The following TSPAN11 variants were observed in gnomAD, a reference collection of about 807,000 sequenced individuals.
The protein encoded by TSPAN11 is tetraspanin 11.
A neutral mutation model predicts 32.9 loss-of-function variants in TSPAN11; 29 were observed. The observed-to-expected ratio is 0.88, with a 90% CI of 0.66 to 1.20. TSPAN11 has a LOEUF of 1.20. TSPAN11 is among the 50% of genes most tolerant of loss of function. TSPAN11 has a pLI of 0.00. For synonymous variants in TSPAN11, 140 were observed against 141.3 expected (o/e 0.99, Z 0.07); for missense variants, 283 against 329.1 (o/e 0.86, Z 1.08).
intron 3 of TSPAN11, among the ~76,000 whole-genome samples, chr12:30,968,678 C>G (rs1043244717): frequency 1.3e-5 from 2 of 152,144 alleles, no homozygotes; most frequent in African/African-American, 4.8e-5. Context: ...AAATGAAGAT[C>G]ATGGTGGATG....
chr12:30,974,783 T>A (rs1362174793), intron 3 of TSPAN11, among the ~76,000 whole-genome samples: 2 of 152,200 alleles, frequency 1.3e-5, no homozygotes, highest in Non-Finnish European at 2.9e-5. Flanking sequence ...GTGTCACTCA[T>A]CCGGTGATGA....
chr12:31,001,012 C>T (rs971418217), downstream of TSPAN11, among the ~76,000 whole-genome samples: 1 of 152,220 alleles, frequency 6.6e-6, no homozygotes, highest in Non-Finnish European at 1.5e-5. Context: ...TCATCTCTCA[C>T]CTAAATCACT....
At chr12:30,927,065 C>T (rs1444322259) in intron 1 of TSPAN11, 2 of 1,263,292 alleles carry the variant, frequency 1.6e-6, no homozygotes, top group African/African-American at 3.1e-5. Context: ...ATGAGTCTGC[C>T]TTTCTGCACT....
chr12:31,008,916 C>T, the TSPAN11 span, among the ~76,000 whole-genome samples: 5 of 151,964 alleles, frequency 3.3e-5, no homozygotes, highest in African/African-American at 1.2e-4. Flanking sequence ...GGTCACCTGC[C>T]TCCCTCTGGC....
intron 1 of TSPAN11, among the ~76,000 whole-genome samples, chr12:30,934,307 G>C (rs1010023947): frequency 6.6e-6 from 1 of 152,246 alleles, no homozygotes; most frequent in African/African-American, 2.4e-5. Flanking sequence ...TGTCTGCCTT[G>C]TTGTGGTCAC....
rs751146162 is a variant in TSPAN11 at position 30,978,571 on chromosome 12, T to G, written c.287T>G (p.Leu96Arg). ...RKGCLSTYFC[L>R]LLVIFLVELV... ...TCTCTTTGCTGCTAGTATTTCTGCCTGTTGCTCGTCATCTTCCTGGTTGAG... is the reference window on the plus strand; with the variant it reads ...TCTCTTTGCTGCTAGTATTTCTGCCGGTTGCTCGTCATCTTCCTGGTTGAG... The change falls in exon 4 of 8, where the codon CTG becomes CGG. Residue 96 changes from leucine to arginine, a missense_variant. Leu to Arg is a moderately radical substitution (Grantham distance 102, BLOSUM62 -2). Transcript: ENST00000546076. 3.1e-6 allele frequency: 5 copies of G among 1,614,100 alleles called. No homozygotes were observed. The African/African-American group carries it at 4.0e-5, about 13-fold the overall frequency.
Position 30,994,330 on chromosome 12 carries a change from C to T in TSPAN11, c.*2415C>T, listed in dbSNP as rs936057028. ...GCCCCTGTTTGGAGGCTGCTACAGC[C>T]TTGAGTTCCTTGGAGAGAGAGGACA... On this transcript the variant is annotated 3_prime_UTR_variant, in exon 8 of 8. Transcript: ENST00000546076. The T allele has an allele frequency of 3.9e-5, 6 of 152,406 alleles. No homozygotes were observed. In the East Asian group the frequency reaches 1.2e-3, roughly 29 times the overall value. The allele number at this position is 152,406 out of a possible 1,614,324, so 9.4% of individuals were successfully genotyped here.
At chr12:30,944,228 C>A (rs181302634) in intron 1 of TSPAN11, among the ~76,000 whole-genome samples, 75 of 151,780 alleles carry the variant, frequency 4.9e-4, no homozygotes, top group South Asian at 1.9e-3. Flanking sequence ...ATATAATTAT[C>A]ATTTTGTGGT....
At chr12:31,002,312 T>G in the TSPAN11 span, among the ~76,000 whole-genome samples, 2 of 152,050 alleles carry the variant, frequency 1.3e-5, no homozygotes, top group African/African-American at 4.8e-5. This position sits in a 1 kb window ranked among gnomAD's most constrained non-coding sequence, Gnocchi z 4.8. Flanking sequence ...ACAGAGGGGT[T>G]TCAAGATGCC....
At chr12:30,983,790 G>A (rs1472982332) in intron 7 of TSPAN11, among the ~76,000 whole-genome samples, 3 of 152,196 alleles carry the variant, frequency 2.0e-5, no homozygotes, top group African/African-American at 7.2e-5. Flanking sequence ...GTATGAGGTA[G>A]TATAAGTAGT....
intron 7 of TSPAN11, among the ~76,000 whole-genome samples, chr12:30,984,098 C>A (rs556408851): frequency 1.6e-4 from 24 of 152,328 alleles, no homozygotes; most frequent in African/African-American, 5.5e-4. Context: ...GGCAAGGGCC[C>A]CTGCAGTCCC....
At chr12:30,959,874 G>A (rs12305862) in intron 2 of TSPAN11, among the ~76,000 whole-genome samples, 3,016 of 151,480 alleles carry the variant, frequency 0.02, 108 homozygotes, top group African/African-American at 0.069. Flanking sequence ...TAAGAGCACC[G>A]AGGCCATGCA....
chr12:30,964,569 T>C (rs1938689599), intron 3 of TSPAN11, among the ~76,000 whole-genome samples: 1 of 152,132 alleles, frequency 6.6e-6, no homozygotes, highest in African/African-American at 2.4e-5. Context: ...ATAGCCGATC[T>C]TGGTTCCGTC....
At chr12:30,986,190 A>G (rs898976204) in intron 7 of TSPAN11, among the ~76,000 whole-genome samples, 1 of 152,220 alleles carries the variant, frequency 6.6e-6, no homozygotes, top group Admixed American at 6.5e-5. Context: ...AGGCTCAGGA[A>G]ATATCAGTCC....
chr12:31,013,031 C>T, the TSPAN11 span, among the ~76,000 whole-genome samples: 2 of 152,208 alleles, frequency 1.3e-5, no homozygotes, highest in South Asian at 4.1e-4. Context: ...GTAGCAAGCC[C>T]ATTCAAGCAT....
intron 5 of TSPAN11, among the ~76,000 whole-genome samples, chr12:30,980,643 C>T (rs1039544147): frequency 7.9e-5 from 12 of 151,960 alleles, no homozygotes; most frequent in African/African-American, 1.2e-4. Flanking sequence ...GCCCCAGCGG[C>T]GTCATGGATC....
intron 1 of TSPAN11, among the ~76,000 whole-genome samples, chr12:30,937,877 A>G (rs1260464109): frequency 6.6e-6 from 1 of 152,336 alleles, no homozygotes; most frequent in Admixed American, 6.5e-5. Flanking sequence ...CCTTGTCTGC[A>G]TGGTTGAAGC....
intron 2 of TSPAN11, among the ~76,000 whole-genome samples, chr12:30,957,211 T>C (rs767092917): frequency 3.4e-4 from 50 of 145,956 alleles, no homozygotes; most frequent in Non-Finnish European, 6.3e-4. Flanking sequence ...CCTTTTTGAG[T>C]TGCTGAATGG....
intron 7 of TSPAN11, among the ~76,000 whole-genome samples, chr12:30,990,496 C>T (rs559736873): frequency 1.3e-5 from 2 of 152,200 alleles, no homozygotes; most frequent in African/African-American, 4.8e-5. Context: ...GTAAAGCTAG[C>T]GGGAGATGAG....
Sources: gnomAD v4.1 joint callset for allele counts (sites outside exome capture counted in the v4.1 genomes callset) on GRCh38, gnomAD v4.1.1 for gene constraint, Gnocchi (gnomAD v3.1) non-coding constraint, MANE v1.5 for transcripts, NCBI Gene and HGNC (gene_info 2026-07-23, HGNC 2026-07-21) for gene names.